Variants in ZNF214 observed in about 807,000 individuals in gnomAD.
The protein encoded by ZNF214 is BWSCR2-associated zinc finger protein 1.
ZNF214 carries 43 observed loss-of-function variants against 53.9 expected under a neutral mutation model. The ratio of observed to expected loss-of-function variants is 0.80; its 90% CI spans 0.63 to 1.03. ZNF214 has a LOEUF of 1.03. ZNF214 is among the 50% of genes least tolerant of loss of function. The pLI is 0.00. For missense variants in ZNF214, 724 were observed against 719.1 expected (o/e 1.01, Z -0.08); for synonymous variants, 217 against 229.5 (o/e 0.95, Z 0.49).
In ZNF214 at chr11:6,998,163, C is replaced by T. The variant is rs1180541490; in HGVS notation, c.*1699G>A. Among the ~76,000 whole-genome samples the T allele has an allele frequency of 6.6e-6, 1 of 151,942 alleles. No homozygotes were observed. Among genetic ancestry groups the T allele is most frequent in the African/African-American group, 2.4e-5 (1 of 41,406 alleles). On this transcript the variant is annotated 3_prime_UTR_variant, in exon 3 of 3. Transcript: ENST00000278314. ...AAATCTCAAAATTCTGAACGTGCTG[C>T]TCCATTGCCTTCTGAGTTACTGTTG...
chr11:7,003,330 C>T (rs1851398833), intron 1 of ZNF214, among the ~76,000 whole-genome samples: 2 of 151,744 alleles, frequency 1.3e-5, no homozygotes, highest in African/African-American at 4.8e-5. Context: ...TATTGAGTAC[C>T]TACTAAGAAT....
chr11:7,008,546 T>C (rs1442258611), intron 1 of ZNF214, among the ~76,000 whole-genome samples: 1 of 151,966 alleles, frequency 6.6e-6, no homozygotes, highest in Non-Finnish European at 1.5e-5. Context: ...ATGCCCACTC[T>C]CACCACTCCT....
chr11:7,018,367 C>G (rs1467441135), intron 1 of ZNF214, among the ~76,000 whole-genome samples: 1 of 152,120 alleles, frequency 6.6e-6, no homozygotes, highest in Non-Finnish European at 1.5e-5. Context: ...TATCTTCCTA[C>G]TCATAATTGT....
chr11:7,011,548 G>T (rs1851606490), intron 1 of ZNF214, among the ~76,000 whole-genome samples: 1 of 151,980 alleles, frequency 6.6e-6, no homozygotes, highest in Non-Finnish European at 1.5e-5. Context: ...AGTGGCAAAG[G>T]TTAAATATCA....
At chr11:7,004,220 T>G (rs181612525) in intron 1 of ZNF214, among the ~76,000 whole-genome samples, 30 of 152,092 alleles carry the variant, frequency 2.0e-4, no homozygotes, top group Non-Finnish European at 3.7e-4. Flanking sequence ...AAGTAAAAAT[T>G]AAAAGCCTAC....
intron 1 of ZNF214, among the ~76,000 whole-genome samples, chr11:7,014,820 C>CAA (rs1186246829): frequency 1.1e-4 from 10 of 91,200 alleles, no homozygotes; most frequent in Admixed American, 2.6e-4. Context: ...AAAAAAAAAA[C>CAA]AAAAAAAAAA....
intron 1 of ZNF214, among the ~76,000 whole-genome samples, chr11:7,004,722 C>T (rs768111020): frequency 1.3e-5 from 2 of 152,048 alleles, no homozygotes; most frequent in East Asian, 3.9e-4. Context: ...CTTCTGCTTT[C>T]GTTGAGAAAT....
At chr11:7,007,320 TA>T (rs1210399297) in intron 1 of ZNF214, among the ~76,000 whole-genome samples, 1 of 16,486 alleles carries the variant, frequency 6.1e-5, no homozygotes, top group Non-Finnish European at 4.0e-4. Context: ...GCAAAAATAA[TA>T]AAATAATTAT....
chr11:7,010,071 A>C (rs1438735489), intron 1 of ZNF214, among the ~76,000 whole-genome samples: 1 of 152,172 alleles, frequency 6.6e-6, no homozygotes, highest in East Asian at 1.9e-4. Context: ...TACTGGGTAT[A>C]TGCCCAAAGG....
At chr11:7,019,916 G>A (rs539031402) in intron 1 of ZNF214, among the ~76,000 whole-genome samples, 157 bp downstream of exon 1, 3 of 152,026 alleles carry the variant, frequency 2.0e-5, no homozygotes, top group African/African-American at 2.4e-5. Context: ...GGGATCTCCC[G>A]GTCTCCGCCA....
intron 1 of ZNF214, among the ~76,000 whole-genome samples, chr11:7,011,829 T>C (rs1193319894): frequency 2.0e-5 from 3 of 152,038 alleles, no homozygotes; most frequent in Non-Finnish European, 4.4e-5. Flanking sequence ...GTTTAATGAC[T>C]CAGCAATCAA....
intron 1 of ZNF214, among the ~76,000 whole-genome samples, chr11:7,013,762 C>T (rs1021358656): frequency 1.3e-5 from 2 of 152,140 alleles, no homozygotes; most frequent in Non-Finnish European, 2.9e-5. Context: ...TAAGTAAGGC[C>T]ATCTTTGGAA....
intron 1 of ZNF214, among the ~76,000 whole-genome samples, chr11:7,005,660 G>A (rs1851456189): frequency 6.6e-6 from 1 of 152,010 alleles, no homozygotes; most frequent in Non-Finnish European, 1.5e-5. Context: ...TAGCTAAACT[G>A]AACAATGGCT....
intron 1 of ZNF214, 123 bp from the exon 2 acceptor site, chr11:7,002,978 G>A: frequency 2.3e-6 from 2 of 871,454 alleles, no homozygotes; most frequent in South Asian, 2.4e-5. Flanking sequence ...AGAAAGGTAA[G>A]GAGAGGTAAT....
intron 1 of ZNF214, among the ~76,000 whole-genome samples, chr11:7,015,160 C>T (rs555766329): frequency 6.8e-6 from 1 of 146,338 alleles, no homozygotes; most frequent in South Asian, 2.2e-4. Context: ...GGCATGATCT[C>T]GGCTCACTGC....
intron 1 of ZNF214, among the ~76,000 whole-genome samples, chr11:7,018,641 A>C (rs1474620829): frequency 6.6e-6 from 1 of 151,438 alleles, no homozygotes; most frequent in Non-Finnish European, 1.5e-5. Context: ...AGCTGGGATT[A>C]CAGGTGCCTG....
Position 6,999,911 on chromosome 11 carries a change from A to C in ZNF214, c.1772T>G (p.Phe591Cys), listed in dbSNP as rs377057095. Residue 591 changes from phenylalanine (F) to cysteine (C), a missense_variant, in exon 3 of 3, where the codon TTT becomes TGT. By Grantham distance (205) the Phe-to-Cys change is radical. Transcript: ENST00000278314. ...PYKCREYYKGFDHNSHLHNNH... is the reference protein window; with the variant it reads ...PYKCREYYKGCDHNSHLHNNH... ...ATTGTGAAGATGTGAATTATGATCA[A>C]ATCCCTTATAATATTCACGGCATTT... 4 of 1,612,398 alleles carry C rather than the reference A, an allele frequency of 2.5e-6. No individual in the cohort carries two copies. The highest frequency in any genetic ancestry group is 1.7e-6 in the Non-Finnish European group (2 of 1,179,096).
chr11:7,017,606 G>A (rs1048154152), intron 1 of ZNF214, among the ~76,000 whole-genome samples: 6 of 152,094 alleles, frequency 3.9e-5, no homozygotes, highest in Admixed American at 1.3e-4. Context: ...GGGCATGGTG[G>A]CGTGCACCTG....
At chr11:7,016,635 C>T (rs1225381962) in intron 1 of ZNF214, among the ~76,000 whole-genome samples, 1 of 152,042 alleles carries the variant, frequency 6.6e-6, no homozygotes. Flanking sequence ...AAGACAGCCT[C>T]AAAAGTAATC....
Sources: gnomAD v4.1 joint callset for allele counts (sites outside exome capture counted in the v4.1 genomes callset) on GRCh38, gnomAD v4.1.1 for gene constraint, MANE v1.5 for transcripts, NCBI Gene and HGNC (gene_info 2026-07-23, HGNC 2026-07-21) for gene names.